Variants in SGCD observed in about 807,000 individuals in gnomAD.
The protein encoded by SGCD is delta-sarcoglycan.
In SGCD, 18 loss-of-function variants were observed where a neutral mutation model predicts 36.6. The ratio of observed to expected loss-of-function variants is 0.49; its 90% confidence interval spans 0.34 to 0.73. SGCD has a LOEUF of 0.73. Among genes scored for constraint, SGCD ranks in the 30% least tolerant of loss-of-function variants. SGCD has a pLI of 0.01. For missense variants in SGCD, 387 were observed against 346.7 expected, an observed-to-expected ratio of 1.12 and a Z score of -0.92; for synonymous variants, 133 against 130.6, an observed-to-expected ratio of 1.02 and a Z score of -0.12.
chr5:155,867,457 C>A (rs1226954234), upstream of SGCD, among the ~76,000 whole-genome samples: 1 of 152,162 alleles, frequency 6.6e-6, no homozygotes, highest in Admixed American at 6.5e-5. Context: ...CAATGGTGAA[C>A]TGGTGGTGAT....
chr5:155,986,944 G>T (rs1004462365), intron 1 of SGCD, among the ~76,000 whole-genome samples: 3 of 152,100 alleles, frequency 2.0e-5, no homozygotes, highest in Non-Finnish European at 4.4e-5. Flanking sequence ...TGACTGCAAA[G>T]CTCTTATAGA....
chr5:155,872,993 G>A (rs1177735246), intron 1 of SGCD, among the ~76,000 whole-genome samples: 1 of 152,084 alleles, frequency 6.6e-6, no homozygotes. Flanking sequence ...AGCTAGTCTG[G>A]GCAGATCTCC....
intron 4 of SGCD, among the ~76,000 whole-genome samples, chr5:156,549,881 C>A (rs1288573733): frequency 1.3e-5 from 2 of 152,162 alleles, no homozygotes; most frequent in African/African-American, 4.8e-5. Context: ...AGGAAATTTA[C>A]CATTTCATAG....
At chr5:156,119,400 C>G (rs988760702) in intron 2 of SGCD, among the ~76,000 whole-genome samples, 1 of 152,076 alleles carries the variant, frequency 6.6e-6, no homozygotes, top group Non-Finnish European at 1.5e-5. Flanking sequence ...CTTAATGTCT[C>G]CAAACTCAAT....
intron 6 of SGCD, among the ~76,000 whole-genome samples, chr5:156,642,959 T>G (rs1320410854): frequency 1.3e-5 from 2 of 152,084 alleles, no homozygotes; most frequent in East Asian, 3.8e-4. Context: ...CATGTTTCTT[T>G]TCTTTATCAC....
intron 3 of SGCD, among the ~76,000 whole-genome samples, chr5:156,442,639 T>G (rs1399088365): frequency 1.3e-5 from 2 of 152,236 alleles, no homozygotes; most frequent in Non-Finnish European, 1.5e-5. Context: ...TAACTATCAT[T>G]TATATTCTTC....
At chr5:155,781,727 T>A in the SGCD span, among the ~76,000 whole-genome samples, 1 of 152,104 alleles carries the variant, frequency 6.6e-6, no homozygotes, top group Non-Finnish European at 1.5e-5. Context: ...CACCTCGGCC[T>A]CCCAAAGTGC....
chr5:156,692,087 T>TA (rs1216370880), intron 7 of SGCD, among the ~76,000 whole-genome samples: 1 of 152,170 alleles, frequency 6.6e-6, no homozygotes, highest in Non-Finnish European at 1.5e-5. Flanking sequence ...AAGTTCACAG[T>TA]AAAAAACAAA....
intron 1 of SGCD, among the ~76,000 whole-genome samples, chr5:156,004,479 A>G (rs1484358056): frequency 2.0e-5 from 3 of 152,158 alleles, no homozygotes; most frequent in Non-Finnish European, 4.4e-5. Flanking sequence ...AACAACCCGT[A>G]AGGTTAGTAC....
Position 156,183,259 on chromosome 5 carries a change from G to C in SGCD, c.-44+59240G>C, listed in dbSNP as rs539580928. Among the ~76,000 whole-genome samples the C allele has an allele frequency of 2.6e-5, 4 of 152,232 alleles. No individual in the cohort carries two copies. The South Asian group carries it at 6.2e-4, about 24-fold the overall frequency. ...GAAAAGACTTAGGTAGATTTCAAAG[G>C]AGCCAAACATTTGAAGAATTAAAGA... is the stretch of plus-strand genomic sequence containing the variant. On this transcript the variant is annotated intron_variant, in intron 3 of 9. Coordinates refer to the SGCD transcript ENST00000517913.
At chr5:156,263,073 C>T (rs528276993) in intron 3 of SGCD, among the ~76,000 whole-genome samples, 111 of 151,942 alleles carry the variant, frequency 7.3e-4, no homozygotes, top group African/African-American at 2.6e-3. Flanking sequence ...GTGCAAGTAC[C>T]TTTTTTTATC....
intron 3 of SGCD, among the ~76,000 whole-genome samples, chr5:156,139,496 A>G (rs1158798060): frequency 6.6e-6 from 1 of 152,120 alleles, no homozygotes; most frequent in African/African-American, 2.4e-5. Flanking sequence ...CCTGGCTCCA[A>G]TTATGAGAGC....
chr5:156,360,539 T>C (rs1212584290), intron 3 of SGCD, among the ~76,000 whole-genome samples: 1 of 152,140 alleles, frequency 6.6e-6, no homozygotes, highest in Non-Finnish European at 1.5e-5. Context: ...TAATTGGTTT[T>C]TTTACACTGT....
chr5:156,000,396 G>A (rs1561678147), intron 1 of SGCD, among the ~76,000 whole-genome samples: 1 of 152,178 alleles, frequency 6.6e-6, no homozygotes, highest in Non-Finnish European at 1.5e-5. Context: ...ACATTCCTTT[G>A]ACTCAGTGGA....
chr5:156,177,006 T>C (rs528041955), intron 3 of SGCD, among the ~76,000 whole-genome samples: 82 of 152,290 alleles, frequency 5.4e-4, no homozygotes, highest in African/African-American at 1.9e-3. Flanking sequence ...TTTTTATTTT[T>C]TATTTATTTT....
intron 3 of SGCD, among the ~76,000 whole-genome samples, chr5:156,497,897 G>A (rs370634139): frequency 1.3e-5 from 2 of 152,184 alleles, no homozygotes; most frequent in East Asian, 1.9e-4. Context: ...TGATGTCACC[G>A]TTTATAATGC....
intron 3 of SGCD, among the ~76,000 whole-genome samples, chr5:156,196,120 C>G (rs1028899022): frequency 6.6e-6 from 1 of 152,064 alleles, no homozygotes; most frequent in Non-Finnish European, 1.5e-5. Flanking sequence ...CTTTATTTTC[C>G]CAGACCTAGG....
intron 3 of SGCD, among the ~76,000 whole-genome samples, chr5:156,137,692 G>A (rs183459877): frequency 1.3e-5 from 2 of 151,980 alleles, no homozygotes; most frequent in Admixed American, 1.3e-4. Flanking sequence ...CACTTTTCTA[G>A]TGACTTTTCC....
the SGCD span, among the ~76,000 whole-genome samples, chr5:155,760,085 C>G: frequency 2.6e-5 from 4 of 151,842 alleles, no homozygotes; most frequent in African/African-American, 7.3e-5. Context: ...CCATCACCCT[C>G]TGCATCATAT....
Sources: allele counts gnomAD v4.1 joint callset (sites outside exome capture counted in the v4.1 genomes callset), GRCh38; gene constraint gnomAD v4.1.1; transcripts MANE v1.5; gene names NCBI Gene and HGNC (gene_info 2026-07-23, HGNC 2026-07-21).